Variants in BAG1 observed in about 807,000 individuals in gnomAD.
BAG1 encodes BAG family molecular chaperone regulator 1.
Under a neutral mutation model 35.5 loss-of-function variants are expected in BAG1, and 35 were observed. The ratio of observed to expected loss-of-function variants is 0.99; its 90% CI spans 0.75 to 1.31. BAG1 has a LOEUF of 1.31. BAG1 is among the 50% of genes most tolerant of loss of function. The pLI is 0.00. For missense variants in BAG1, 464 were observed against 453.6 expected (o/e 1.02, Z -0.21); for synonymous variants, 191 against 178.9 (o/e 1.07, Z -0.54).
At position 33,254,941 on chromosome 9, in the gene BAG1, TCC is replaced by T; in HGVS notation, c.*276_*277del. On this transcript the variant is annotated 3_prime_UTR_variant, in exon 7 of 7. Transcript: ENST00000634734. ...CCAGCCCAAAGAAAGCACCCAGAGG[TCC>T]AAACAGCTGGGAAAATTTGGGCAGA... The T allele has an allele frequency of 1.6e-6, 2 of 1,273,088 alleles. No homozygotes were observed. The highest frequency in any genetic ancestry group is 2.1e-6 in the Non-Finnish European group (2 of 957,512). 78.9% of individuals were successfully genotyped at this position (1,273,088 alleles called of 1,614,324 possible).
chr9:33,252,601 T>G lies in BAG1; in HGVS notation c.*2618A>C, dbSNP rs1411646006. 6.6e-6 allele frequency: 1 copy of G among 151,352 alleles called. No individual in the cohort carries two copies. Among genetic ancestry groups the G allele is most frequent in the South Asian group, 2.1e-4 (1 of 4,800 alleles). 9.4% of individuals were successfully genotyped at this position (151,352 alleles called of 1,614,324 possible). On this transcript the variant is annotated 3_prime_UTR_variant, in exon 7 of 7. Coordinates refer to ENST00000634734, the MANE Select transcript of BAG1 (RefSeq NM_004323.6). ...ATATGTAATATAACTATATTACAAGTTATGCTTGAAATAATGCTGTTACCA... is the reference window on the plus strand; with the variant it reads ...ATATGTAATATAACTATATTACAAGGTATGCTTGAAATAATGCTGTTACCA...
rs1343141152 is a variant in BAG1, at chr9:33,252,810, A to T, written c.*2409T>A. On this transcript the variant is annotated 3_prime_UTR_variant, in exon 7 of 7. Coordinates refer to ENST00000634734, the MANE Select transcript of BAG1 (RefSeq NM_004323.6). ...CACAGTAGGTGAGGGTTCTCCATGC[A>T]AGAGACATGTGAGTTGAATTCTGAA... 1 of 152,090 alleles carries T rather than the reference A, an allele frequency of 6.6e-6. No homozygotes were observed. The highest frequency in any genetic ancestry group is 1.5e-5 in the Non-Finnish European group (1 of 68,036). The allele number at this position is 152,090 out of a possible 1,614,324, so 9.4% of individuals were successfully genotyped here.
At position 33,256,897 on chromosome 9, in the gene BAG1, G is replaced by A; in HGVS notation, c.789C>T (p.Pro263=). The change falls in exon 5 of 7, where the codon CCC becomes CCT. Residue 263 remains proline, a synonymous_variant. Transcript: ENST00000634734. ...AGAGAGCTTCAGCTTGCAAATCCTT[G>A]GGCAGAAAACCCTGCGGGGAAATAA... 2 of 1,614,022 alleles carry A rather than the reference G, an allele frequency of 1.2e-6. No individual in the cohort carries two copies. The highest frequency in any genetic ancestry group is 1.7e-6 in the Non-Finnish European group (2 of 1,179,960).
In BAG1 at chr9:33,253,372, A is replaced by AT. The variant is rs1437606069; in HGVS notation, c.*1846dup. 1 of 152,194 alleles carries AT rather than the reference A, an allele frequency of 6.6e-6. No individual in the cohort carries two copies. Among genetic ancestry groups the AT allele is most frequent in the Non-Finnish European group, 1.5e-5 (1 of 68,034 alleles). 9.4% of individuals were successfully genotyped at this position (152,194 alleles called of 1,614,324 possible). On this transcript the variant is annotated 3_prime_UTR_variant, in exon 7 of 7. Coordinates refer to ENST00000634734, the MANE Select transcript of BAG1 (RefSeq NM_004323.6). ...TGGTTTCCTCATCTCTAAAATAAGG[A>AT]TATCTGTCTACCTCTCAAGTTATGT...
chr9:33,263,100 C>T (rs1018212650), intron 1 of BAG1, among the ~76,000 whole-genome samples: 2 of 152,200 alleles, frequency 1.3e-5, no homozygotes, highest in Non-Finnish European at 2.9e-5. Flanking sequence ...AGATAAACCC[C>T]ACGAAGTAGA....
chr9:33,258,826 G>C, intron 4 of BAG1, 94 bp downstream of exon 4: 1 of 974,592 alleles, frequency 1.0e-6, no homozygotes. Flanking sequence ...CTGAACCCAG[G>C]GAGTCTGACT....
chr9:33,264,366 C>G lies in BAG1; in HGVS notation c.309G>C (p.Glu103Asp). 6 of 1,611,872 alleles carry G rather than the reference C, an allele frequency of 3.7e-6. No homozygotes were observed. Among genetic ancestry groups the G allele is most frequent in the Non-Finnish European group, 5.1e-6 (6 of 1,179,290 alleles). ...GGGTCGCCTCCTCACTCTGGGTCGC[C>G]TCTTCACTCCAGGTCGCTTCCTCAC... The change falls in exon 1 of 7, where the codon GAG becomes GAC. Residue 103 changes from glutamate (E) to aspartate (D), a missense_variant. Transcript: ENST00000634734.
chr9:33,262,177 T>C, intron 2 of BAG1: 1 of 1,289,754 alleles, frequency 7.8e-7, no homozygotes, highest in Non-Finnish European at 1.0e-6. Flanking sequence ...AGACTTCAAA[T>C]CTGACACCTG....
rs999659289 is a variant in BAG1 at position 33,255,075 on chromosome 9, T to C, written c.*144A>G. The C allele has an allele frequency of 1.3e-6, 2 of 1,582,256 alleles. No individual in the cohort carries two copies. Among genetic ancestry groups the C allele is most frequent in the Admixed American group, 1.8e-5 (1 of 54,606 alleles). On this transcript the variant is annotated 3_prime_UTR_variant, in exon 7 of 7. Transcript: ENST00000634734. ...AAAATCACAAAGACACTATTTTTCA[T>C]TGAGAACCAGTGTGAGAGTAGGAAA...
rs373000281 is a variant in BAG1, at chr9:33,263,441, G to A, written c.452-611C>T. Reference sequence around the variant, plus strand: ...GCAGAGCCTTTCTTTCTGAAGAAGAGACGCCAATTCTTTTCCAGGGATGCG... The same window carrying A: ...GCAGAGCCTTTCTTTCTGAAGAAGAAACGCCAATTCTTTTCCAGGGATGCG... On this transcript the variant is annotated intron_variant, in intron 1 of 6. Coordinates refer to ENST00000634734, the MANE Select transcript of BAG1 (RefSeq NM_004323.6). 9.9e-5 allele frequency among the ~76,000 whole-genome samples: 15 copies of A among 152,240 alleles called. No individual in the cohort carries two copies. In the East Asian group the frequency reaches 1.9e-3, roughly 20 times the overall value.
At chr9:33,262,123 C>T (rs1180776064) in intron 2 of BAG1, 1 of 1,289,620 alleles carries the variant, frequency 7.8e-7, no homozygotes, top group South Asian at 1.2e-5. Flanking sequence ...GGAAGACTGC[C>T]CATGAGCTTC....
At chr9:33,262,062 G>C in intron 2 of BAG1, 1 of 1,238,358 alleles carries the variant, frequency 8.1e-7, no homozygotes, top group Middle Eastern at 2.2e-4. Flanking sequence ...TGCAAAAATA[G>C]CAGGGAGTAC....
rs750115998 is a variant in BAG1, at chr9:33,264,401, A to G, written c.274T>C (p.Leu92=). Residue 92 remains leucine, a synonymous_variant, in exon 1 of 7, where the codon TTG becomes CTG. Transcript: ENST00000634734. ...CAGGTCGCTTCCTCACTCAGGGTCA[A>G]CTCCTCGCTCCGGGTCAACTCCTCG... 2 of 1,566,026 alleles carry G rather than the reference A, an allele frequency of 1.3e-6. No individual in the cohort carries two copies. Among genetic ancestry groups the G allele is most frequent in the South Asian group, 2.3e-5 (2 of 87,720 alleles).
At position 33,264,523 on chromosome 9, in the gene BAG1, C is replaced by T; in HGVS notation, c.152G>A (p.Ser51Asn). ...GGGTCGGTCATGCCCGCTGGCAGTACTCCGGGCAGGTGGACGCCCAGAGGG... is the reference window on the plus strand; with the variant it reads ...GGGTCGGTCATGCCCGCTGGCAGTATTCCGGGCAGGTGGACGCCCAGAGGG... The change falls in exon 1 of 7, where the codon AGT (serine) becomes AAT (asparagine). Residue 51 changes from serine to asparagine, a missense_variant. By Grantham distance (46) the Ser-to-Asn change is conservative (BLOSUM62 1). Coordinates refer to ENST00000634734, the MANE Select transcript of BAG1 (RefSeq NM_004323.6). The T allele has an allele frequency of 6.3e-7, 1 of 1,588,082 alleles. No individual in the cohort carries two copies. The highest frequency in any genetic ancestry group is 1.3e-5 in the African/African-American group (1 of 74,290).
intron 4 of BAG1, among the ~76,000 whole-genome samples, chr9:33,258,298 C>CAA (rs10591225): frequency 2.6e-3 from 166 of 63,342 alleles, no homozygotes; most frequent in African/African-American, 5.3e-3. Context: ...GACTCCATAT[C>CAA]AAAAAAAAAA....
At chr9:33,256,751 T>C (rs1397512493) in intron 5 of BAG1, 50 bp downstream of exon 5, 3 of 1,468,538 alleles carry the variant, frequency 2.0e-6, no homozygotes, top group Admixed American at 3.4e-5. Context: ...TGAATGTGAC[T>C]GAAATAAAGT....
intron 4 of BAG1, 113 bp downstream of exon 4, chr9:33,258,807 A>G (rs1025023735): frequency 2.5e-6 from 2 of 794,834 alleles, no homozygotes; most frequent in Admixed American, 2.3e-5. Context: ...GAAAGGGTGA[A>G]TCCAGGATCT....
Position 33,259,019 on chromosome 9 carries a change from T to C in BAG1, c.678A>G (p.Glu226=). ...GTTTCAACTTCTTTAGTTCAACCTC[T>C]TCCTGTGGACTGTTCTAAAATGTTT... Residue 226 remains glutamate, a synonymous_variant, in exon 4 of 7, where the codon GAA becomes GAG. Coordinates refer to ENST00000634734, the MANE Select transcript of BAG1 (RefSeq NM_004323.6). The C allele has an allele frequency of 6.2e-7, 1 of 1,613,952 alleles. No homozygotes were observed. Among genetic ancestry groups the C allele is most frequent in the Non-Finnish European group, 8.5e-7 (1 of 1,179,818 alleles).
At chr9:33,263,856 G>A (rs1820636510) in intron 1 of BAG1, among the ~76,000 whole-genome samples, 1 of 152,096 alleles carries the variant, frequency 6.6e-6, no homozygotes, top group Non-Finnish European at 1.5e-5. Context: ...ACCCCGGCAT[G>A]CACGAAGTTC....
Sources: gnomAD v4.1 joint callset for allele counts (sites outside exome capture counted in the v4.1 genomes callset) on GRCh38, gnomAD v4.1.1 for gene constraint, MANE v1.5 for transcripts, NCBI Gene and HGNC (gene_info 2026-07-23, HGNC 2026-07-21) for gene names.